Variants in ZNF469 observed in about 807,000 individuals in gnomAD.
ZNF469 encodes zinc finger protein 469.
A neutral mutation model predicts 1.0 loss-of-function variants in ZNF469; 1 was observed. The observed-to-expected ratio is 1.00, with a 90% CI of 0.35 to 4.73. The LOEUF is 4.73. Ranked by LOEUF, ZNF469 falls within the 30% of genes most tolerant of loss-of-function variation. The pLI is 0.16. For synonymous variants in ZNF469, 2,703 were observed against 2,363.4 expected (o/e 1.14, Z -4.17); for missense variants, 6,100 against 5,356.3 (o/e 1.14, Z -4.33).
chr16:88,399,699 G>A (rs566821721), intron 1 of ZNF469, among the ~76,000 whole-genome samples: 2 of 152,396 alleles, frequency 1.3e-5, no homozygotes, highest in South Asian at 4.1e-4. Context: ...GCCCACATAT[G>A]TGAGCTGCCC....
rs756558555 is a variant in ZNF469, at chr16:88,391,477, G to A, written c.-192+8223G>A. Among the ~76,000 whole-genome samples, 5 of 147,910 alleles carry A rather than the reference G, an allele frequency of 3.4e-5. No individual in the cohort carries two copies. The Middle Eastern group carries it at 0.01, about 302-fold the overall frequency. On this transcript the variant is annotated intron_variant, in intron 1 of 2. Transcript: ENST00000565624. ...GCCATCGTTTTGGACAGACTGTAAGGGTTGGCTGTCTCTGCCACCCAAGGC... is the reference window on the plus strand; with the variant it reads ...GCCATCGTTTTGGACAGACTGTAAGAGTTGGCTGTCTCTGCCACCCAAGGC...
the ZNF469 span, among the ~76,000 whole-genome samples, chr16:88,340,598 T>C: frequency 1.4e-4 from 21 of 152,266 alleles, no homozygotes; most frequent in African/African-American, 4.6e-4. Context: ...GGGAGGGTGC[T>C]GCCCAGCCCC....
the ZNF469 span, among the ~76,000 whole-genome samples, chr16:88,206,565 A>AAAC: frequency 5.9e-5 from 9 of 151,794 alleles, no homozygotes; most frequent in Admixed American, 1.3e-4. Context: ...TTATGACAAA[A>AAAC]AAACAAACAA....
chr16:88,137,672 T>C, the ZNF469 span, among the ~76,000 whole-genome samples: 1 of 152,224 alleles, frequency 6.6e-6, no homozygotes, highest in African/African-American at 2.4e-5. Context: ...TGCCTGTAAC[T>C]GTGTGTGTAT....
chr16:88,269,579 G>T, the ZNF469 span, among the ~76,000 whole-genome samples: 1 of 152,018 alleles, frequency 6.6e-6, no homozygotes, highest in East Asian at 1.9e-4. Flanking sequence ...TATGGGCCCC[G>T]CCTCCACCTG....
rs1055219928 is a variant in ZNF469 at position 88,438,194 on chromosome 16, T to C, written c.10724T>C (p.Leu3575Pro). ...GGAGACTGCGCGCTGGACGGAGCCCTGGAGAGGCCAGAGAACGAGGCTTCC... is the reference window on the plus strand; with the variant it reads ...GGAGACTGCGCGCTGGACGGAGCCCCGGAGAGGCCAGAGAACGAGGCTTCC... ...GRGDCALDGALERPENEASPG... is the reference protein window; with the variant it reads ...GRGDCALDGAPERPENEASPG... Residue 3575 changes from leucine to proline, a missense_variant, in exon 3 of 3, where the codon CTG becomes CCG. Transcript: ENST00000565624. 3.9e-6 allele frequency: 6 copies of C among 1,547,882 alleles called. No homozygotes were observed. The highest frequency in any genetic ancestry group is 2.0e-5 in the Admixed American group (1 of 50,968).
At chr16:88,114,290 A>T in the ZNF469 span, among the ~76,000 whole-genome samples, 1 of 116,502 alleles carries the variant, frequency 8.6e-6, no homozygotes, top group Non-Finnish European at 1.7e-5. Flanking sequence ...GACCACATTC[A>T]CTCACTGCGG....
the ZNF469 span, among the ~76,000 whole-genome samples, chr16:88,238,116 C>G: frequency 1.6e-4 from 25 of 152,264 alleles, no homozygotes; most frequent in Non-Finnish European, 2.9e-4. Context: ...AATCCACCCT[C>G]TAATTTTCAC....
chr16:88,201,750 T>A, the ZNF469 span, among the ~76,000 whole-genome samples: 1 of 152,112 alleles, frequency 6.6e-6, no homozygotes, highest in East Asian at 1.9e-4. The surrounding 1 kb of genome is among the most constrained non-coding windows in gnomAD (Gnocchi z 5.0). Flanking sequence ...TGCCAGTGCC[T>A]GGCATTGCTC....
chr16:88,136,101 C>T, the ZNF469 span, among the ~76,000 whole-genome samples: 3 of 152,150 alleles, frequency 2.0e-5, no homozygotes, highest in African/African-American at 4.8e-5. Context: ...AAAGGTCCCC[C>T]AGTTGTCCAC....
At chr16:88,334,549 A>G in the ZNF469 span, among the ~76,000 whole-genome samples, 1 of 152,202 alleles carries the variant, frequency 6.6e-6, no homozygotes, top group Non-Finnish European at 1.5e-5. Context: ...GGGTGTGCAC[A>G]CATCACAGAG....
chr16:88,102,804 C>T, the ZNF469 span, among the ~76,000 whole-genome samples: 1 of 152,244 alleles, frequency 6.6e-6, no homozygotes, highest in Admixed American at 6.5e-5. Flanking sequence ...CACCGCAGGG[C>T]CCCTGATCGC....
rs765769896 is a variant in ZNF469, at chr16:88,431,289, T to G, written c.3819T>G (p.His1273Gln). Residue 1273 changes from histidine to glutamine, a missense_variant, in exon 3 of 3, where the codon CAT becomes CAG. Coordinates refer to ENST00000565624, the MANE Select transcript of ZNF469 (RefSeq NM_001367624.2). ...CAGAGCAGCCGCCGCCCAGCAGACA[T>G]GACACCGGCACCCCCAAGCCGTCGG... Reference protein sequence around the residue: ...LIPEQPPPSRHDTGTPKPSGS... With the variant: ...LIPEQPPPSRQDTGTPKPSGS... 3 of 1,550,216 alleles carry G rather than the reference T, an allele frequency of 1.9e-6. No homozygotes were observed. The South Asian group carries it at 3.6e-5, about 18-fold the overall frequency.
the ZNF469 span, among the ~76,000 whole-genome samples, chr16:88,166,448 G>C: frequency 2.0e-5 from 3 of 152,114 alleles, no homozygotes; most frequent in African/African-American, 7.2e-5. This position sits in a 1 kb window ranked among gnomAD's most constrained non-coding sequence, Gnocchi z 4.5. Context: ...AAATGCACAA[G>C]TCTTAGATGT....
chr16:88,129,903 C>T, the ZNF469 span, among the ~76,000 whole-genome samples: 1 of 152,220 alleles, frequency 6.6e-6, no homozygotes, highest in Admixed American at 6.5e-5. Flanking sequence ...ACACCAGCCA[C>T]CGAAGCCCCT....
At chr16:88,344,249 A>C in the ZNF469 span, among the ~76,000 whole-genome samples, 10 of 137,224 alleles carry the variant, frequency 7.3e-5, no homozygotes, top group African/African-American at 2.6e-4. Context: ...TGGGGGGAGA[A>C]GAGGCGATGG....
chr16:88,135,763 T>A, the ZNF469 span, among the ~76,000 whole-genome samples: 230 of 138,886 alleles, frequency 1.7e-3, 13 homozygotes, highest in African/African-American at 5.7e-3. Context: ...TTTTTTTTTT[T>A]TTTTTTTTTT....
chr16:88,126,656 G>T, the ZNF469 span, among the ~76,000 whole-genome samples: 101 of 144,432 alleles, frequency 7.0e-4, no homozygotes, highest in Non-Finnish European at 2.0e-4. Flanking sequence ...TATGTTTTTT[G>T]TTTTTTGTTT....
At chr16:88,397,748 CTCT>C (rs1251230982) in intron 1 of ZNF469, among the ~76,000 whole-genome samples, 5 of 152,080 alleles carry the variant, frequency 3.3e-5, no homozygotes, top group African/African-American at 9.7e-5. Flanking sequence ...TCTGTAAGAT[CTCT>C]TCTTATGGTC....
Sources: gnomAD v4.1 joint callset for allele counts (sites outside exome capture counted in the v4.1 genomes callset) on GRCh38, gnomAD v4.1.1 for gene constraint, Gnocchi (gnomAD v3.1) non-coding constraint, MANE v1.5 for transcripts, NCBI Gene and HGNC (gene_info 2026-07-23, HGNC 2026-07-21) for gene names.